UBE2F: variants seen among roughly 807,000 people sequenced by gnomAD.
The protein encoded by UBE2F is ubiquitin conjugating enzyme E2 F (putative).
UBE2F carries 5 observed loss-of-function variants against 29.6 expected under a neutral mutation model. The observed-to-expected ratio is 0.17, with a 90% CI of 0.09 to 0.36. The LOEUF (loss-of-function observed/expected upper bound fraction) is 0.36. UBE2F is among the 10% of genes least tolerant of loss of function. The pLI is 1.00. For synonymous variants in UBE2F, 66 were observed against 81.8 expected (o/e 0.81, Z 1.04); for missense variants, 141 against 228.5 (o/e 0.62, Z 2.47).
intron 3 of UBE2F, among the ~76,000 whole-genome samples, chr2:237,991,605 C>CTTTTTTTTTTTTTTTTT (rs1559207747): frequency 8.0e-5 from 2 of 24,994 alleles, no homozygotes; most frequent in Non-Finnish European, 1.5e-4. Flanking sequence ...TCTTTTCTTT[C>CTTTTTTTTTTTTTTTTT]TTTCTTTTTT....
chr2:238,035,912 A>C lies in UBE2F; in HGVS notation c.479A>C (p.Glu160Ala). The change falls in exon 9 of 10, where the codon GAA (glutamate) becomes GCA (alanine). Residue 160 changes from glutamate (E) to alanine (A), a missense_variant. Physicochemically the swap from Glu to Ala is moderately radical, Grantham distance 107 (BLOSUM62 -1). Coordinates refer to ENST00000272930, the MANE Select transcript of UBE2F (RefSeq NM_080678.3). ...AATTTTGATGATCCACTGAATATTG[A>C]AGCTGCAGAACATCATTTGCGGGAC... Reference protein sequence around the residue: ...LLNFDDPLNIEAAEHHLRDKE... With the variant: ...LLNFDDPLNIAAAEHHLRDKE... 1 of 1,613,298 alleles carries C rather than the reference A, an allele frequency of 6.2e-7. No homozygotes were observed. The highest frequency in any genetic ancestry group is 8.5e-7 in the Non-Finnish European group (1 of 1,179,974).
chr2:237,995,309 CAGTA>C, intron 4 of UBE2F, among the ~76,000 whole-genome samples: 2 of 152,310 alleles, frequency 1.3e-5, no homozygotes, highest in South Asian at 4.1e-4. Context: ...CAGCTGTCCT[CAGTA>C]AGACGGATAA....
intron 6 of UBE2F, among the ~76,000 whole-genome samples, chr2:238,029,512 G>A (rs544020410): frequency 1.1e-4 from 17 of 151,604 alleles, no homozygotes; most frequent in African/African-American, 2.9e-4. Flanking sequence ...GGAGAATGGC[G>A]TAAAACCGGA....
chr2:237,979,417 C>G (rs2063340788), intron 2 of UBE2F, among the ~76,000 whole-genome samples: 1 of 152,184 alleles, frequency 6.6e-6, no homozygotes, highest in South Asian at 2.1e-4. Context: ...GTCCCCATTT[C>G]AGTGTTGGGG....
chr2:238,036,671 C>CA (rs1429289000), intron 9 of UBE2F, among the ~76,000 whole-genome samples: 1 of 152,096 alleles, frequency 6.6e-6, no homozygotes, highest in Non-Finnish European at 1.5e-5. Context: ...TCTGTCTTTA[C>CA]AAAAATTAGC....
intron 5 of UBE2F, among the ~76,000 whole-genome samples, chr2:238,020,605 C>T (rs920236855): frequency 6.6e-6 from 1 of 152,168 alleles, no homozygotes; most frequent in East Asian, 1.9e-4. Context: ...TAAAGTCGAT[C>T]GTTATTTTAG....
Position 237,988,990 on chromosome 2 carries a change from C to T in UBE2F, c.148+998C>T, listed in dbSNP as rs2063533729. Among the ~76,000 whole-genome samples the T allele has an allele frequency of 2.0e-5, 3 of 152,188 alleles. No homozygotes were observed. In the South Asian group the frequency reaches 6.2e-4, roughly 32 times the overall value. On this transcript the variant is annotated intron_variant, in intron 3 of 9. Transcript: ENST00000272930. ...TATCAGGCAGTTCACTTTTGTAATA[C>T]ATGTCGTATTCTCTCTATCATTAAT...
At chr2:237,969,776 C>G (rs2063136129) in intron 1 of UBE2F, among the ~76,000 whole-genome samples, 1 of 152,126 alleles carries the variant, frequency 6.6e-6, no homozygotes, top group South Asian at 2.1e-4. Context: ...GAGCTTGGCT[C>G]TAGATGGTGC....
At chr2:237,991,191 C>G (rs115576244) in intron 3 of UBE2F, among the ~76,000 whole-genome samples, 1 of 152,192 alleles carries the variant, frequency 6.6e-6, no homozygotes. Flanking sequence ...TCCCTACCTT[C>G]TCTCCTAATC....
intron 4 of UBE2F, among the ~76,000 whole-genome samples, chr2:237,995,490 G>T (rs368787193): frequency 1.3e-5 from 2 of 152,162 alleles, no homozygotes; most frequent in Non-Finnish European, 1.5e-5. Flanking sequence ...GGTGGCAACC[G>T]GTCGATGCTG....
At chr2:237,990,736 G>A (rs1386258430) in intron 3 of UBE2F, among the ~76,000 whole-genome samples, 1 of 150,840 alleles carries the variant, frequency 6.6e-6, no homozygotes, top group Non-Finnish European at 1.5e-5. Flanking sequence ...ACTCCAACCT[G>A]GGCGACAGAG....
intron 9 of UBE2F, among the ~76,000 whole-genome samples, chr2:238,038,414 T>C (rs2064767820): frequency 6.6e-6 from 1 of 152,176 alleles, no homozygotes; most frequent in Non-Finnish European, 1.5e-5. Flanking sequence ...GGTAAAGCCT[T>C]GGGCTTGGTA....
chr2:238,025,552 G>T, intron 6 of UBE2F, 140 bp downstream of exon 6: 1 of 745,846 alleles, frequency 1.3e-6, no homozygotes, highest in Non-Finnish European at 2.3e-6. Flanking sequence ...TGAAGTAGCT[G>T]CGGTTGCCTG....
chr2:238,012,566 C>T (rs2064061359), intron 4 of UBE2F, among the ~76,000 whole-genome samples: 2 of 152,208 alleles, frequency 1.3e-5, no homozygotes, highest in South Asian at 4.1e-4. Context: ...TCACCCAAAG[C>T]TTGGAGCTCC....
intron 8 of UBE2F, among the ~76,000 whole-genome samples, chr2:238,034,432 A>G (rs2064658014): frequency 6.6e-6 from 1 of 152,150 alleles, no homozygotes; most frequent in Non-Finnish European, 1.5e-5. Context: ...CCGTCTCAAA[A>G]AAAAAAATTT....
chr2:237,996,779 C>T (rs2063701196), intron 4 of UBE2F, among the ~76,000 whole-genome samples: 3 of 152,208 alleles, frequency 2.0e-5, no homozygotes, highest in African/African-American at 7.2e-5. Context: ...CCCAGCCCCC[C>T]TTATTTTTTA....
intron 1 of UBE2F, among the ~76,000 whole-genome samples, chr2:237,969,097 G>GTA (rs2063119426): frequency 1.3e-5 from 2 of 152,150 alleles, no homozygotes; most frequent in Non-Finnish European, 2.9e-5. Context: ...TAGAATGTTA[G>GTA]AGAAGTACAT....
intron 2 of UBE2F, 96 bp downstream of exon 2, chr2:237,973,321 A>G: frequency 7.5e-7 from 1 of 1,336,640 alleles, no homozygotes; most frequent in Non-Finnish European, 1.0e-6. Flanking sequence ...ACTGCTGAAT[A>G]GAAATACCTG....
At chr2:238,016,700 C>T in intron 5 of UBE2F, 67 bp downstream of exon 5, 1 of 1,423,390 alleles carries the variant, frequency 7.0e-7, no homozygotes, top group Non-Finnish European at 9.8e-7. Context: ...TGTGGCCCGC[C>T]ACTGGCACAG....
Sources: allele counts gnomAD v4.1 joint callset (sites outside exome capture counted in the v4.1 genomes callset), GRCh38; gene constraint gnomAD v4.1.1; transcripts MANE v1.5; gene names NCBI Gene and HGNC (gene_info 2026-07-23, HGNC 2026-07-21).